USF2: variants seen among roughly 807,000 people sequenced by gnomAD.
USF2 encodes upstream transcription factor 2, c-fos interacting, also known as upstream stimulatory factor 2.
USF2 carries 16 observed loss-of-function variants against 46.9 expected under a neutral mutation model. That is an observed-to-expected ratio of 0.34 (90% CI 0.23 to 0.52). USF2 has a LOEUF of 0.52. USF2 is among the 20% of genes least tolerant of loss of function. USF2 has a pLI of 0.96. For synonymous variants in USF2, 239 were observed against 194.1 expected (o/e 1.23, Z -1.92); for missense variants, 411 against 474.0 (o/e 0.87, Z 1.23).
intron 6 of USF2, 135 bp downstream of exon 6, chr19:35,270,940 T>C: frequency 7.1e-7 from 1 of 1,410,430 alleles, no homozygotes; most frequent in Middle Eastern, 1.8e-4. Context: ...TCTGCTGCTC[T>C]AGTGCACATA....
In USF2 at chr19:35,270,002, T is replaced by TG; in HGVS notation, c.429+1dup. The TG allele has an allele frequency of 7.5e-7, 1 of 1,337,562 alleles. No homozygotes were observed. Among genetic ancestry groups the TG allele is most frequent in the Non-Finnish European group, 9.5e-7 (1 of 1,050,696 alleles). The allele number at this position is 1,337,562 out of a possible 1,614,324, so 82.9% of individuals were successfully genotyped here. A position where few individuals can be genotyped will look rare whatever the true frequency, so the allele number is the denominator to read the frequency against. On this transcript the variant is annotated frameshift_variant and splice_region_variant, in exon 4 of 10. Coordinates refer to ENST00000222305, the MANE Select transcript of USF2 (RefSeq NM_003367.4). LOFTEE classifies it high-confidence loss of function. ...CCAGGTCCTGCAGCGCCCTTCCCGC[T>TG]GGTAGGTGCCCTGCCACCCCTGGGT...
chr19:35,278,584 CG>C, intron 7 of USF2, 113 bp from the exon 8 acceptor site: 3 of 1,057,628 alleles, frequency 2.8e-6, no homozygotes, highest in Non-Finnish European at 2.8e-6. Context: ...GCTGTGGTCT[CG>C]GTGGGGCCTG....
rs747504716 is a variant in USF2, at chr19:35,279,285, G to A, written c.*29G>A. The A allele has an allele frequency of 1.4e-5, 21 of 1,473,244 alleles. No homozygotes were observed. The highest frequency in any genetic ancestry group is 2.8e-5 in the African/African-American group (2 of 70,994). 91.3% of individuals were successfully genotyped at this position (1,473,244 alleles called of 1,614,324 possible). On this transcript the variant is annotated 3_prime_UTR_variant, in exon 10 of 10. Transcript: ENST00000222305. ...CCGCCACCACCACGCAGCCGCCGCC[G>A]CCCACGCCGGCCTCTGCTGCCCCCT...
At chr19:35,274,998 C>T (rs1238004348) in intron 7 of USF2, 2 of 152,174 alleles carry the variant, frequency 1.3e-5, no homozygotes, top group African/African-American at 4.8e-5. Context: ...TTGCTTTTTC[C>T]GTTTCATTGA....
rs1476449863 is a variant in USF2, at chr19:35,269,050, C to T, written c.-52C>T. The T allele has an allele frequency of 1.8e-5, 2 of 108,540 alleles. No individual in the cohort carries two copies. The highest frequency in any genetic ancestry group is 4.0e-5 in the Non-Finnish European group (2 of 49,824). 6.7% of individuals were successfully genotyped at this position (108,540 alleles called of 1,614,324 possible). A position where few individuals can be genotyped will look rare whatever the true frequency, so the allele number is the denominator to read the frequency against. On this transcript the variant is annotated 5_prime_UTR_variant, in exon 1 of 10. Coordinates refer to ENST00000222305, the MANE Select transcript of USF2 (RefSeq NM_003367.4). The stretch of plus-strand genomic sequence containing the variant: ...CCGCCCCCTCCCCTCCCTCCCTCCC[C>T]TCCCCTCCCCTCCCCCCCGGGCCCC...
Position 35,279,348 on chromosome 19 carries a change from CCCCCA to C in USF2, c.*93_*97del. 7.8e-7 allele frequency: 1 copy of C among 1,280,294 alleles called. No homozygotes were observed. Among genetic ancestry groups the C allele is most frequent in the Non-Finnish European group, 1.0e-6 (1 of 982,330 alleles). The allele number at this position is 1,280,294 out of a possible 1,614,324, so 79.3% of individuals were successfully genotyped here. Reference sequence around the variant, plus strand: ...AGCACAGAGAGGGACACATGCCCCTCCCCCAGCTGCGTTTTTTTATAGTAGATTTT... The same window carrying C: ...AGCACAGAGAGGGACACATGCCCCTCGCTGCGTTTTTTTATAGTAGATTTT... On this transcript the variant is annotated 3_prime_UTR_variant, in exon 10 of 10. Transcript: ENST00000222305.
rs1349940404 is a variant in USF2, at chr19:35,269,793, C to T, written c.229-10C>T. 4 of 1,491,514 alleles carry T rather than the reference C, an allele frequency of 2.7e-6. No individual in the cohort carries two copies. In the Admixed American group the frequency reaches 7.3e-5, roughly 27 times the overall value. 92.4% of individuals were successfully genotyped at this position (1,491,514 alleles called of 1,614,324 possible). On this transcript the variant is annotated splice_polypyrimidine_tract_variant and intron_variant, in intron 3 of 9. Transcript: ENST00000222305. ...CAGCGCCGGCCTCGCCGCTCTGCCG[C>T]CCCCTGCAGGTGACATACCGCGTAG...
intron 7 of USF2, chr19:35,278,331 G>A (rs2066262660): frequency 4.1e-6 from 1 of 242,704 alleles, no homozygotes; most frequent in African/African-American, 2.3e-5. Context: ...TGTGACCAGA[G>A]CTCCATTTCT....
Position 35,269,832 on chromosome 19 carries a change from T to C in USF2, c.258T>C (p.Asp86=), listed in dbSNP as rs1246753337. 1 of 1,454,670 alleles carries C rather than the reference T, an allele frequency of 6.9e-7. No individual in the cohort carries two copies. The highest frequency in any genetic ancestry group is 9.0e-7 in the Non-Finnish European group (1 of 1,112,128). 90.1% of individuals were successfully genotyped at this position (1,454,670 alleles called of 1,614,324 possible). A position where few individuals can be genotyped will look rare whatever the true frequency, so the allele number is the denominator to read the frequency against. The change falls in exon 4 of 10, where the codon GAT becomes GAC. Residue 86 remains aspartate (D), a synonymous_variant. Transcript: ENST00000222305. ...CATACCGCGTAGTCCAGGTGACTGA[T>C]GGTCAGCTGGACGGCCAGGGCGACA... The part of the protein sequence containing the change: ...QVTYRVVQVT[D]GQLDGQGDTA...
Position 35,279,575 on chromosome 19 carries a change from T to A in USF2, c.*319T>A. The stretch of plus-strand genomic sequence containing the variant: ...AGAGGCCCTGCCACGTCCCGCTGCC[T>A]CCTGCTCTCTGGAGGTACTGAGACA... On this transcript the variant is annotated 3_prime_UTR_variant, in exon 10 of 10. Transcript: ENST00000222305. 3.2e-6 allele frequency: 1 copy of A among 312,896 alleles called. No homozygotes were observed. The allele number at this position is 312,896 out of a possible 1,614,324, so 19.4% of individuals were successfully genotyped here.
rs2066268518 is a variant in USF2, at chr19:35,278,764, G to A, written c.794G>A (p.Cys265Tyr). ...CAGCTTTCGAAAATCATTCCAGACT[G>A]TAACGCAGACAACAGCAAGACGGGA... ...IVQLSKIIPD[C>Y]NADNSKTGAS... is the part of the protein sequence containing the mutation. Residue 265 changes from cysteine (C) to tyrosine (Y), a missense_variant, in exon 8 of 10, where the codon TGT becomes TAT. Cys to Tyr is a radical substitution (Grantham distance 194). This residue lies in a region of USF2 where 93 missense variants were observed against 151.6 expected (regional missense o/e 0.61). Coordinates refer to ENST00000222305, the MANE Select transcript of USF2 (RefSeq NM_003367.4). 1 of 1,614,164 alleles carries A rather than the reference G, an allele frequency of 6.2e-7. No homozygotes were observed. The highest frequency in any genetic ancestry group is 8.5e-7 in the Non-Finnish European group (1 of 1,180,038).
At chr19:35,276,366 G>A (rs2145581902) in intron 7 of USF2, among the ~76,000 whole-genome samples, 1 of 152,246 alleles carries the variant, frequency 6.6e-6, no homozygotes, top group Non-Finnish European at 1.5e-5. Flanking sequence ...CCCAGCTTCT[G>A]AATTTTAAGT....
chr19:35,271,722 G>T (rs1387991042), intron 7 of USF2, among the ~76,000 whole-genome samples: 1 of 152,258 alleles, frequency 6.6e-6, no homozygotes. Context: ...GCACAGCACT[G>T]TGCAAGTGCC....
intron 7 of USF2, 62 bp downstream of exon 7, chr19:35,271,203 T>G: frequency 6.3e-7 from 1 of 1,593,864 alleles, no homozygotes. Flanking sequence ...CAGCCAGCCC[T>G]GGAGTGTGGA....
intron 7 of USF2, among the ~76,000 whole-genome samples, chr19:35,274,931 C>G (rs972004352): frequency 1.3e-5 from 2 of 148,852 alleles, no homozygotes; most frequent in Non-Finnish European, 3.0e-5. Flanking sequence ...GCCAGAAACT[C>G]TGAGAAGCTA....
intron 7 of USF2, chr19:35,278,468 G>C (rs931516847): frequency 2.0e-6 from 1 of 502,756 alleles, no homozygotes; most frequent in Non-Finnish European, 3.5e-6. Context: ...TTTGATGCCC[G>C]TCCTAAAAGC....
chr19:35,275,279 T>C (rs1456289016), intron 7 of USF2: 1 of 152,212 alleles, frequency 6.6e-6, no homozygotes, highest in Non-Finnish European at 1.5e-5. Flanking sequence ...ACTCCTGGCC[T>C]CAGGTTATCC....
rs922587314 is a variant in USF2 at position 35,279,249 on chromosome 19, G to A, written c.1034G>A (p.Arg345Gln). 1.2e-5 allele frequency: 19 copies of A among 1,530,188 alleles called. No homozygotes were observed. The highest frequency in any genetic ancestry group is 4.1e-5 in the African/African-American group (3 of 72,560). 94.8% of individuals were successfully genotyped at this position (1,530,188 alleles called of 1,614,324 possible). The change falls in exon 10 of 10, where the codon CGG becomes CAG. Residue 345 changes from arginine to glutamine, a missense_variant. By Grantham distance (43) the Arg-to-Gln change is conservative. Coordinates refer to ENST00000222305, the MANE Select transcript of USF2 (RefSeq NM_003367.4). ...HNLEMVGEGT[R>Q]Q ...CTGGAGATGGTGGGCGAGGGCACCC[G>A]GCAGTGACGCCCGCCACCACCACGC...
chr19:35,276,569 G>A (rs1046913484), intron 7 of USF2, among the ~76,000 whole-genome samples: 1 of 152,144 alleles, frequency 6.6e-6, no homozygotes, highest in African/African-American at 2.4e-5. Context: ...CCTGACCTGC[G>A]AGCAGAGCAC....
Sources: gnomAD v4.1 joint callset for allele counts (sites outside exome capture counted in the v4.1 genomes callset) on GRCh38, gnomAD v4.1.1 for gene constraint, gnomAD v4.1.1 regional missense constraint, MANE v1.5 for transcripts, NCBI Gene and HGNC (gene_info 2026-07-23, HGNC 2026-07-21) for gene names.